The following DCAF8 variants were observed in gnomAD, a reference collection of about 807,000 sequenced individuals.
The protein encoded by DCAF8 is DDB1- and CUL4-associated factor 8.
A neutral mutation model predicts 68.0 loss-of-function variants in DCAF8; 20 were observed. The ratio of observed to expected loss-of-function variants is 0.29; its 90% CI spans 0.21 to 0.43. The LOEUF (loss-of-function observed/expected upper bound fraction) is 0.43, where lower values mean the gene tolerates loss of function less well. Ranked by LOEUF, DCAF8 falls within the 20% of genes least tolerant of loss-of-function variation. DCAF8 has a pLI of 1.00. For missense variants in DCAF8, 460 were observed against 771.0 expected, an observed-to-expected ratio of 0.60 and a Z score of 4.78; for synonymous variants, 230 against 276.9, an observed-to-expected ratio of 0.83 and a Z score of 1.68.
In DCAF8 at chr1:160,216,502, T is replaced by G. The variant is rs1311331139; in HGVS notation, c.*1090A>C. On this transcript the variant is annotated 3_prime_UTR_variant, in exon 14 of 14. Transcript: ENST00000368074. ...AGAGCTGAGAGGAATTTCCTGTTTT[T>G]CCCAACCCCTACACCAAAGCAGGGA... The G allele has an allele frequency of 1.3e-5, 2 of 152,478 alleles. No individual in the cohort carries two copies. The highest frequency in any genetic ancestry group is 2.4e-5 in the African/African-American group (1 of 41,406). The allele number at this position is 152,478 out of a possible 1,614,324, so 9.4% of individuals were successfully genotyped here. A position where few individuals can be genotyped will look rare whatever the true frequency, so the allele number is the denominator to read the frequency against.
At position 160,224,434 on chromosome 1, in the gene DCAF8, A is replaced by G. The variant is rs1655401846; in HGVS notation, c.1309+8T>C. ...TTGGGCCAAAGAAACCTAGGAAGAC[A>G]GTCTCACCTGTGGCATTATTTCTGT... On this transcript the variant is annotated splice_region_variant and intron_variant, in intron 10 of 13. Transcript: ENST00000368074. 3.1e-6 allele frequency: 5 copies of G among 1,605,640 alleles called. No homozygotes were observed. In the South Asian group the frequency reaches 3.3e-5, roughly 11 times the overall value.
chr1:160,218,040 C>T, intron 13 of DCAF8: 1 of 506,196 alleles, frequency 2.0e-6, no homozygotes. Flanking sequence ...ATAGAAGGGT[C>T]ACACTGAGAC....
At chr1:160,238,828 C>T in intron 4 of DCAF8, 81 bp from the exon 5 acceptor site, 1 of 1,344,616 alleles carries the variant, frequency 7.4e-7, no homozygotes, top group South Asian at 1.5e-5. Flanking sequence ...CGATGATGAC[C>T]TCAACTTACC....
intron 2 of DCAF8, among the ~76,000 whole-genome samples, chr1:160,259,099 C>A (rs1321677034): frequency 6.6e-6 from 1 of 152,218 alleles, no homozygotes; most frequent in Non-Finnish European, 1.5e-5. Flanking sequence ...CTGAATGACA[C>A]AGCTGCTTTC....
chr1:160,248,958 G>A (rs1290137161), intron 2 of DCAF8, among the ~76,000 whole-genome samples: 3 of 151,994 alleles, frequency 2.0e-5, no homozygotes, highest in African/African-American at 7.2e-5. Flanking sequence ...TTGGGAGGCT[G>A]AGGCGGGCAG....
At chr1:160,246,533 A>T (rs1009073140) in intron 2 of DCAF8, among the ~76,000 whole-genome samples, 1 of 152,194 alleles carries the variant, frequency 6.6e-6, no homozygotes, top group African/African-American at 2.4e-5. Flanking sequence ...TGTGGCATGC[A>T]CCTGTAATCA....
Position 160,217,650 on chromosome 1 carries a change from G to T in DCAF8, c.1736C>A (p.Ser579Tyr). ...TDADSDESPS[S>Y]SDTSDEEEGP... ...CTCCTCCTCGTCCGATGTGTCTGAG[G>T]AGCTGGGAGACTCATCAGAGTCCGC... The change falls in exon 14 of 14, where the codon TCC becomes TAC. Residue 579 changes from serine to tyrosine, a missense_variant. Transcript: ENST00000368074. The T allele has an allele frequency of 6.2e-7, 1 of 1,614,174 alleles. No individual in the cohort carries two copies. Among genetic ancestry groups the T allele is most frequent in the Non-Finnish European group, 8.5e-7 (1 of 1,180,030 alleles).
chr1:160,234,290 AC>A (rs1655796902), intron 6 of DCAF8, among the ~76,000 whole-genome samples: 1 of 150,806 alleles, frequency 6.6e-6, no homozygotes, highest in Non-Finnish European at 1.5e-5. Context: ...TCAGCTTTTC[AC>A]CCCATGCCAG....
chr1:160,224,560 C>T lies in DCAF8; in HGVS notation c.1202-11G>A, dbSNP rs16831634. ...AACTGGCCAGGAGCTCTGCCAAGAA[C>T]AAGAACATAGCAGTGAAGGCAAAGG... On this transcript the variant is annotated splice_polypyrimidine_tract_variant and intron_variant, in intron 9 of 13. Transcript: ENST00000368074. 6.3e-3 allele frequency: 10,145 copies of T among 1,606,122 alleles called. 529 individuals carry two copies. In the African/African-American group the frequency reaches 0.12, roughly 19 times the overall value.
chr1:160,243,467 C>T (rs1437318237), intron 3 of DCAF8, among the ~76,000 whole-genome samples: 1 of 149,336 alleles, frequency 6.7e-6, no homozygotes, highest in Non-Finnish European at 1.5e-5. Flanking sequence ...TGGTCTCAAG[C>T]TCCTGGGCTC....
At chr1:160,262,293 G>C (rs964950607) in intron 1 of DCAF8, 156 bp downstream of exon 1, 34 of 399,278 alleles carry the variant, frequency 8.5e-5, no homozygotes, top group Middle Eastern at 1.3e-3. Context: ...GTCAAGGGAG[G>C]GGGGGTGTCC....
intron 2 of DCAF8, among the ~76,000 whole-genome samples, chr1:160,257,489 A>G (rs1359108346): frequency 2.6e-5 from 4 of 152,212 alleles, no homozygotes; most frequent in African/African-American, 7.2e-5. Context: ...TTAAAAGCCT[A>G]TTACTCCCCT....
At chr1:160,237,375 G>C in intron 5 of DCAF8, 146 bp from the exon 6 acceptor site, 1 of 629,502 alleles carries the variant, frequency 1.6e-6, no homozygotes, top group African/African-American at 1.8e-5. Flanking sequence ...TCCCAGGAAA[G>C]GACATAATCT....
At chr1:160,249,582 C>T (rs1363138358) in intron 2 of DCAF8, among the ~76,000 whole-genome samples, 1 of 152,028 alleles carries the variant, frequency 6.6e-6, no homozygotes, top group Non-Finnish European at 1.5e-5. Flanking sequence ...TGCTTGAGCC[C>T]AGGAATTAAA....
intron 8 of DCAF8, among the ~76,000 whole-genome samples, chr1:160,225,387 T>C (rs1239118430): frequency 6.6e-6 from 1 of 152,216 alleles, no homozygotes; most frequent in Non-Finnish European, 1.5e-5. Context: ...TTATTTTTAT[T>C]TCTATTTTGT....
Position 160,216,214 on chromosome 1 carries a change from C to T in DCAF8, c.*1378G>A, listed in dbSNP as rs974352060. ...GTCAAACCCAGGAAGTCTTTCCCTT[C>T]ACTCTTCTATAAAGAAGGGAACTGG... On this transcript the variant is annotated 3_prime_UTR_variant, in exon 14 of 14. Transcript: ENST00000368074. The T allele has an allele frequency of 6.6e-6, 1 of 152,110 alleles. No individual in the cohort carries two copies. Among genetic ancestry groups the T allele is most frequent in the East Asian group, 1.9e-4 (1 of 5,182 alleles). 9.4% of individuals were successfully genotyped at this position (152,110 alleles called of 1,614,324 possible).
chr1:160,241,174 AC>A (rs1656100714), intron 3 of DCAF8, among the ~76,000 whole-genome samples: 1 of 152,134 alleles, frequency 6.6e-6, no homozygotes, highest in African/African-American at 2.4e-5. Context: ...GTACCACTAC[AC>A]CTTCTGTCAC....
Position 160,234,738 on chromosome 1 carries a change from C to T in DCAF8, c.959+2397G>A, listed in dbSNP as rs1349627836. Among the ~76,000 whole-genome samples, 6 of 152,164 alleles carry T rather than the reference C, an allele frequency of 3.9e-5. No individual in the cohort carries two copies. The South Asian group carries it at 6.2e-4, about 16-fold the overall frequency. ...ATTACAGAACCCTGGAACTTTAGAA[C>T]TGGAAATAACAAACATCATGTAGTT... On this transcript the variant is annotated intron_variant, in intron 6 of 13. Transcript: ENST00000368074.
At chr1:160,243,851 G>C in intron 3 of DCAF8, 109 bp downstream of exon 3, 1 of 1,060,714 alleles carries the variant, frequency 9.4e-7, no homozygotes, top group East Asian at 2.4e-5. Flanking sequence ...AACAACACAG[G>C]AAAGTTTCCC....
Sources: allele counts gnomAD v4.1 joint callset (sites outside exome capture counted in the v4.1 genomes callset), GRCh38; gene constraint gnomAD v4.1.1; transcripts MANE v1.5; gene names NCBI Gene and HGNC (gene_info 2026-07-23, HGNC 2026-07-21).